PIWIL2: variants seen among roughly 807,000 people sequenced by gnomAD.
PIWIL2 encodes the protein piwi like RNA-mediated gene silencing 2.
A neutral mutation model predicts 116.5 loss-of-function variants in PIWIL2; 81 were observed. The observed-to-expected ratio is 0.70, with a 90% CI of 0.58 to 0.84. The LOEUF is 0.84. Ranked by LOEUF, PIWIL2 falls within the 40% of genes least tolerant of loss-of-function variation. The probability of loss-of-function intolerance (pLI) is 0.00; values close to 1 mark genes in which losing one functional copy is unlikely to be tolerated. For missense variants in PIWIL2, 1,272 were observed against 1,212.3 expected (o/e 1.05, Z -0.73); for synonymous variants, 489 against 429.5 (o/e 1.14, Z -1.71).
intron 20 of PIWIL2, among the ~76,000 whole-genome samples, chr8:22,326,003 A>G (rs1222070435): frequency 6.6e-6 from 1 of 152,112 alleles, no homozygotes; most frequent in Non-Finnish European, 1.5e-5. Context: ...ACAGTTGTTG[A>G]TAGTGCTTCA....
At chr8:22,318,374 G>C (rs1831517157) in intron 20 of PIWIL2, 99 bp downstream of exon 20, 2 of 662,906 alleles carry the variant, frequency 3.0e-6, no homozygotes, top group East Asian at 2.7e-5. Context: ...TTGGAGTGCA[G>C]TGGTGCGATC....
chr8:22,300,355 T>G (rs1487132765), intron 10 of PIWIL2, among the ~76,000 whole-genome samples: 5 of 152,204 alleles, frequency 3.3e-5, no homozygotes, highest in African/African-American at 4.8e-5. Flanking sequence ...TGTTCATTCC[T>G]TTTAATTACT....
At chr8:22,309,874 C>G in intron 14 of PIWIL2, 87 bp from the exon 15 acceptor site, 1 of 722,850 alleles carries the variant, frequency 1.4e-6, no homozygotes, top group East Asian at 2.5e-5. Flanking sequence ...TGTGGTGGAG[C>G]TGAGCAGGCC....
At chr8:22,339,322 A>G (rs1020095130) in intron 20 of PIWIL2, among the ~76,000 whole-genome samples, 5 of 152,256 alleles carry the variant, frequency 3.3e-5, no homozygotes, top group African/African-American at 1.2e-4. Flanking sequence ...CCTGGGCAAC[A>G]TGGTGAAACC....
At chr8:22,280,237 G>A (rs1386457022) in intron 2 of PIWIL2, among the ~76,000 whole-genome samples, 1 of 152,074 alleles carries the variant, frequency 6.6e-6, no homozygotes, top group African/African-American at 2.4e-5. Flanking sequence ...CCTGGTTTTG[G>A]CTCTATGATA....
chr8:22,323,557 A>C (rs928680848), intron 20 of PIWIL2, among the ~76,000 whole-genome samples: 1 of 152,162 alleles, frequency 6.6e-6, no homozygotes, highest in African/African-American at 2.4e-5. Context: ...TCAGTGTTAC[A>C]TCTTGGAGTG....
At chr8:22,310,800 T>G (rs1405022658) in intron 15 of PIWIL2, among the ~76,000 whole-genome samples, 2 of 152,222 alleles carry the variant, frequency 1.3e-5, no homozygotes, top group African/African-American at 4.8e-5. Flanking sequence ...ATTTCTGTAC[T>G]TTACATATAC....
In PIWIL2 at chr8:22,290,157, T is replaced by C. The variant is rs1342269495; in HGVS notation, c.1068-76T>C. On this transcript the variant is annotated intron_variant, in intron 9 of 22. Transcript: ENST00000356766. Reference sequence around the variant, plus strand: ...TTAGGGAAGGGCAGTATCACCTCAATGTTTTGTTCACATGGGGGCATGGAA... The same window carrying C: ...TTAGGGAAGGGCAGTATCACCTCAACGTTTTGTTCACATGGGGGCATGGAA... 6.7e-5 allele frequency: 57 copies of C among 847,412 alleles called. No homozygotes were observed. The East Asian group carries it at 1.4e-3, about 21-fold the overall frequency. 52.5% of individuals were successfully genotyped at this position (847,412 alleles called of 1,614,324 possible). A position where few individuals can be genotyped will look rare whatever the true frequency, so the allele number is the denominator to read the frequency against.
chr8:22,287,491 G>A (rs775539333), intron 6 of PIWIL2, 37 bp from the exon 7 acceptor site: 2 of 1,346,094 alleles, frequency 1.5e-6, no homozygotes, highest in South Asian at 1.2e-5. Flanking sequence ...TGCAGTTTGA[G>A]TCAAGTTAAA....
At position 22,356,454 on chromosome 8, in the gene PIWIL2, G is replaced by T. The variant is rs1160099792; in HGVS notation, c.*949G>T. On this transcript the variant is annotated 3_prime_UTR_variant, in exon 23 of 23. Coordinates refer to ENST00000356766, the MANE Select transcript of PIWIL2 (RefSeq NM_018068.5). Reference sequence around the variant, plus strand: ...GATGAAGCCTTTTCCGTGGATTTCAGTAACTTTCCAGCATACCATGACGAT... The same window carrying T: ...GATGAAGCCTTTTCCGTGGATTTCATTAACTTTCCAGCATACCATGACGAT... The T allele has an allele frequency of 6.6e-6, 1 of 152,176 alleles. No homozygotes were observed. Among genetic ancestry groups the T allele is most frequent in the African/African-American group, 2.4e-5 (1 of 41,454 alleles). The allele number at this position is 152,176 out of a possible 1,614,324, so 9.4% of individuals were successfully genotyped here.
At chr8:22,351,461 ATATATATATATATATATATATAATT>A (rs1303661391) in intron 20 of PIWIL2, among the ~76,000 whole-genome samples, 1 of 87,714 alleles carries the variant, frequency 1.1e-5, no homozygotes, top group Non-Finnish European at 2.2e-5. Flanking sequence ...ATATATATAT[ATATATATATATATATATATATAATT>A]TATATCTAAA....
chr8:22,315,213 C>G, intron 18 of PIWIL2, 68 bp downstream of exon 18: 1 of 900,036 alleles, frequency 1.1e-6, no homozygotes, highest in South Asian at 1.4e-5. Flanking sequence ...CCTGTTTTTC[C>G]TTATTCGTTA....
intron 20 of PIWIL2, among the ~76,000 whole-genome samples, chr8:22,326,090 C>T (rs536848784): frequency 6.6e-6 from 1 of 152,274 alleles, no homozygotes; most frequent in Non-Finnish European, 1.5e-5. Context: ...CTACTCATTT[C>T]ATGGAGCCAG....
chr8:22,289,889 T>G lies in PIWIL2; in HGVS notation c.1029T>G (p.Phe343Leu). The G allele has an allele frequency of 1.2e-6, 2 of 1,612,804 alleles. No individual in the cohort carries two copies. The highest frequency in any genetic ancestry group is 1.7e-6 in the Non-Finnish European group (2 of 1,178,792). Residue 343 changes from phenylalanine (F) to leucine (L), a missense_variant, in exon 9 of 23, where the codon TTT becomes TTG. Coordinates refer to ENST00000356766, the MANE Select transcript of PIWIL2 (RefSeq NM_018068.5). Reference protein sequence around the residue: ...LLDMKLVGRNFYDPTSAMVLQ... With the variant: ...LLDMKLVGRNLYDPTSAMVLQ... ...ATATGAAGCTTGTGGGGAGAAACTT[T>G]TATGACCCTACAAGTGCTATGGTAC...
intron 19 of PIWIL2, among the ~76,000 whole-genome samples, chr8:22,316,924 G>A (rs1292588251): frequency 6.6e-6 from 1 of 151,726 alleles, no homozygotes; most frequent in Non-Finnish European, 1.5e-5. Flanking sequence ...GAGTAGCTGG[G>A]ACCACAAGCA....
intron 10 of PIWIL2, among the ~76,000 whole-genome samples, chr8:22,299,925 G>GT (rs1831005264): frequency 6.6e-6 from 1 of 151,584 alleles, no homozygotes. Flanking sequence ...CTTTTTTATT[G>GT]TATTTATTTT....
At chr8:22,353,762 C>T (rs894487014) in intron 21 of PIWIL2, among the ~76,000 whole-genome samples, 6 of 80,738 alleles carry the variant, frequency 7.4e-5, no homozygotes, top group Admixed American at 4.6e-4. Context: ...GAGTTTCTAC[C>T]ACTTTTTTTT....
intron 20 of PIWIL2, among the ~76,000 whole-genome samples, chr8:22,349,419 G>GTATATATATATATATATATATATA (rs71206515): frequency 7.4e-6 from 1 of 134,444 alleles, no homozygotes; most frequent in African/African-American, 2.7e-5. Flanking sequence ...ATGTGTGTGT[G>GTATATATATATATATATATATATA]TATATATATA....
At chr8:22,323,375 T>A (rs1406295079) in intron 20 of PIWIL2, among the ~76,000 whole-genome samples, 3 of 152,116 alleles carry the variant, frequency 2.0e-5, no homozygotes, top group Non-Finnish European at 2.9e-5. Flanking sequence ...CTCGAACTCC[T>A]GACCTCGTGA....
Sources: gnomAD v4.1 joint callset for allele counts (sites outside exome capture counted in the v4.1 genomes callset) on GRCh38, gnomAD v4.1.1 for gene constraint, MANE v1.5 for transcripts, NCBI Gene and HGNC (gene_info 2026-07-23, HGNC 2026-07-21) for gene names.